CSMD1: variants seen among roughly 807,000 people sequenced by gnomAD.
The protein encoded by CSMD1 is CUB and sushi domain-containing protein 1.
A neutral mutation model predicts 417.5 loss-of-function variants in CSMD1; 213 were observed. That is an observed-to-expected ratio of 0.51 (90% CI 0.46 to 0.57). CSMD1 has a LOEUF of 0.57. Among genes scored for constraint, CSMD1 ranks in the 20% least tolerant of loss-of-function variants. CSMD1 has a pLI of 0.00. For synonymous variants in CSMD1, 2,862 were observed against 1,736.8 expected (o/e 1.65, Z -16.11); for missense variants, 6,923 against 4,529.7 (o/e 1.53, Z -15.17).
At chr8:4,637,210 G>A (rs976990504) in intron 2 of CSMD1, 132 bp downstream of exon 2, 2 of 669,130 alleles carry the variant, frequency 3.0e-6, no homozygotes, top group Admixed American at 5.6e-5. Context: ...CATTCTTGAA[G>A]TCAGCGAGGC....
chr8:4,947,996 A>T (rs1808480598), intron 1 of CSMD1, among the ~76,000 whole-genome samples: 1 of 151,976 alleles, frequency 6.6e-6, no homozygotes, highest in African/African-American at 2.4e-5. Flanking sequence ...TGCTGTATGA[A>T]CTTTCTTCCA....
intron 52 of CSMD1, among the ~76,000 whole-genome samples, chr8:3,013,977 A>G (rs1808627933): frequency 6.6e-6 from 1 of 152,116 alleles, no homozygotes; most frequent in African/African-American, 2.4e-5. Context: ...GCTCTTACCC[A>G]AAACTCCCAA....
At chr8:3,776,640 C>A (rs942640494) in intron 5 of CSMD1, among the ~76,000 whole-genome samples, 1 of 152,094 alleles carries the variant, frequency 6.6e-6, no homozygotes, top group African/African-American at 2.4e-5. Flanking sequence ...GCCATCACCA[C>A]CTCCTTCTTT....
intron 3 of CSMD1, among the ~76,000 whole-genome samples, chr8:4,127,750 C>G (rs1802852293): frequency 6.6e-6 from 1 of 152,162 alleles, no homozygotes; most frequent in Non-Finnish European, 1.5e-5. Flanking sequence ...GTGCCAGCTA[C>G]CAAGTCTTGA....
At chr8:2,970,744 G>T (rs867505970) in intron 57 of CSMD1, among the ~76,000 whole-genome samples, 1 of 152,110 alleles carries the variant, frequency 6.6e-6, no homozygotes, top group African/African-American at 2.4e-5. Flanking sequence ...ACCCACCATG[G>T]TGCTTTCCAA....
intron 3 of CSMD1, among the ~76,000 whole-genome samples, chr8:4,043,693 G>A (rs751026779): frequency 5.3e-5 from 8 of 152,090 alleles, no homozygotes; most frequent in Non-Finnish European, 1.0e-4. Flanking sequence ...TCAGTGTTCT[G>A]AATTACACAT....
At chr8:3,514,020 T>C (rs996514015) in intron 10 of CSMD1, among the ~76,000 whole-genome samples, 2 of 151,916 alleles carry the variant, frequency 1.3e-5, no homozygotes, top group African/African-American at 4.8e-5. Context: ...TACAGAAAAA[T>C]AATTTTCTTA....
At chr8:4,948,602 C>T (rs1371382488) in intron 1 of CSMD1, among the ~76,000 whole-genome samples, 2 of 151,854 alleles carry the variant, frequency 1.3e-5, no homozygotes, top group Admixed American at 1.3e-4. Context: ...TCAATGGTGT[C>T]CTTCTCAATT....
chr8:4,309,610 TAG>T (rs2128878002), intron 3 of CSMD1, among the ~76,000 whole-genome samples: 1 of 152,246 alleles, frequency 6.6e-6, no homozygotes, highest in Non-Finnish European at 1.5e-5. Flanking sequence ...ACTCCCATTT[TAG>T]TACAACTCCC....
intron 3 of CSMD1, among the ~76,000 whole-genome samples, chr8:4,077,179 T>C (rs1015166428): frequency 5.9e-5 from 9 of 151,332 alleles, no homozygotes; most frequent in Non-Finnish European, 1.0e-4. Context: ...GGGTAAAAAC[T>C]GGTGTAGAGA....
At chr8:4,138,756 G>A (rs982408099) in intron 3 of CSMD1, among the ~76,000 whole-genome samples, 5 of 152,168 alleles carry the variant, frequency 3.3e-5, no homozygotes, top group African/African-American at 7.2e-5. Context: ...AAACCAACTA[G>A]TTATCTTTAA....
chr8:3,316,032 C>T (rs951907898), intron 23 of CSMD1, among the ~76,000 whole-genome samples: 2 of 151,926 alleles, frequency 1.3e-5, no homozygotes, highest in Non-Finnish European at 2.9e-5. Context: ...ATTTTTTTAC[C>T]ACTATGCACG....
chr8:4,569,195 G>A (rs1453820287), intron 2 of CSMD1, among the ~76,000 whole-genome samples: 6 of 152,138 alleles, frequency 3.9e-5, no homozygotes, highest in African/African-American at 1.2e-4. Flanking sequence ...TTCTTTTGGT[G>A]TTTTAGTCAT....
At chr8:4,868,982 T>C (rs1802578832) in intron 1 of CSMD1, among the ~76,000 whole-genome samples, 1 of 151,928 alleles carries the variant, frequency 6.6e-6, no homozygotes, top group Non-Finnish European at 1.5e-5. Flanking sequence ...ACAAATAGAA[T>C]AGATGATATA....
At chr8:4,066,202 C>T (rs1262401029) in intron 3 of CSMD1, among the ~76,000 whole-genome samples, 2 of 152,216 alleles carry the variant, frequency 1.3e-5, no homozygotes, top group Non-Finnish European at 2.9e-5. Flanking sequence ...GGGACTGTTT[C>T]AACTGCCAGT....
chr8:3,036,001 A>C (rs1404610546), intron 50 of CSMD1, among the ~76,000 whole-genome samples: 2 of 152,180 alleles, frequency 1.3e-5, no homozygotes, highest in Non-Finnish European at 2.9e-5. Flanking sequence ...GATATGGTTG[A>C]CACATTTTTG....
chr8:3,077,162 G>T (rs546707882), intron 49 of CSMD1, among the ~76,000 whole-genome samples: 1 of 152,306 alleles, frequency 6.6e-6, no homozygotes, highest in South Asian at 2.1e-4. Context: ...AATCAGAATC[G>T]TGCAGGGCTG....
chr8:4,200,772 G>C (rs1485480969), intron 3 of CSMD1, among the ~76,000 whole-genome samples: 1 of 152,138 alleles, frequency 6.6e-6, no homozygotes, highest in Non-Finnish European at 1.5e-5. Context: ...TGAGATGGGA[G>C]GATTTGTTAA....
intron 5 of CSMD1, among the ~76,000 whole-genome samples, chr8:3,873,221 A>G (rs111715490): frequency 0.028 from 4,301 of 152,318 alleles, 164 homozygotes; most frequent in African/African-American, 0.086. Context: ...CCAAAGGAAC[A>G]GCAATCATTC....
Sources: gnomAD v4.1 joint callset for allele counts (sites outside exome capture counted in the v4.1 genomes callset) on GRCh38, gnomAD v4.1.1 for gene constraint, MANE v1.5 for transcripts, NCBI Gene and HGNC (gene_info 2026-07-23, HGNC 2026-07-21) for gene names.